The following AXIN1 variants were observed in gnomAD, a reference collection of about 807,000 sequenced individuals.
AXIN1 encodes the protein axin-1.
A neutral mutation model predicts 76.4 loss-of-function variants in AXIN1; 30 were observed. The ratio of observed to expected loss-of-function variants is 0.39; its 90% CI spans 0.29 to 0.53. The LOEUF (loss-of-function observed/expected upper bound fraction) is 0.53, where lower values mean the gene tolerates loss of function less well. Ranked by LOEUF, AXIN1 falls within the 20% of genes least tolerant of loss-of-function variation. The probability of loss-of-function intolerance (pLI) is 0.66; values close to 1 mark genes in which losing one functional copy is unlikely to be tolerated. For synonymous variants in AXIN1, 545 were observed against 501.4 expected (o/e 1.09, Z -1.16); for missense variants, 1,140 against 1,198.8 (o/e 0.95, Z 0.72).
chr16:320,762 C>T (rs1468131503), intron 2 of AXIN1, among the ~76,000 whole-genome samples: 22 of 53,064 alleles, frequency 4.1e-4, no homozygotes, highest in African/African-American at 2.5e-3. Flanking sequence ...TTTTTTGAGA[C>T]GGAGCCTCGC....
intron 2 of AXIN1, among the ~76,000 whole-genome samples, chr16:320,446 G>A (rs1004241039): frequency 2.6e-5 from 4 of 151,968 alleles, no homozygotes; most frequent in Non-Finnish European, 2.9e-5. Flanking sequence ...ACATAGGGGC[G>A]GATAAAATCT....
At chr16:306,191 G>C (rs577649775) in intron 4 of AXIN1, among the ~76,000 whole-genome samples, 9 of 152,026 alleles carry the variant, frequency 5.9e-5, no homozygotes, top group Admixed American at 5.2e-4. Flanking sequence ...ACACACACAG[G>C]CACGCTCACT....
At chr16:302,601 G>T (rs1222286421) in intron 5 of AXIN1, among the ~76,000 whole-genome samples, 2 of 152,126 alleles carry the variant, frequency 1.3e-5, no homozygotes, top group Non-Finnish European at 2.9e-5. Context: ...ACCACCAGCG[G>T]CACCCTGCGT....
intron 2 of AXIN1, among the ~76,000 whole-genome samples, chr16:339,228 G>A (rs2053865784): frequency 2.0e-5 from 3 of 148,992 alleles, no homozygotes; most frequent in Non-Finnish European, 4.5e-5. Flanking sequence ...AAAAGGCCGG[G>A]CGTGGTGGCT....
At chr16:289,904 A>G in intron 9 of AXIN1, 2 of 525,726 alleles carry the variant, frequency 3.8e-6, no homozygotes, top group African/African-American at 1.9e-5. Flanking sequence ...CACCTCTAGG[A>G]TGGCAGGGCA....
chr16:314,551 G>A lies in AXIN1; in HGVS notation c.1011C>T (p.Asp337=), dbSNP rs1007155687. The stretch of plus-strand genomic sequence containing the variant: ...TCCGGGGCGGGACTTACACGCTGCT[G>A]TCCGTGAGGGACAGGGTGTCTGCAT... The part of the protein sequence containing the change: ...SSDADTLSLT[D]SSVDGIPPYR... Residue 337 remains aspartate (D), a synonymous_variant, in exon 3 of 11, where the codon GAC becomes GAT. Transcript: ENST00000262320. The A allele has an allele frequency of 7.4e-6, 12 of 1,613,658 alleles. No individual in the cohort carries two copies. The highest frequency in any genetic ancestry group is 1.3e-5 in the African/African-American group (1 of 74,938).
intron 2 of AXIN1, among the ~76,000 whole-genome samples, chr16:344,757 G>A (rs962078316): frequency 6.6e-6 from 1 of 152,144 alleles, no homozygotes; most frequent in Non-Finnish European, 1.5e-5. Flanking sequence ...CCAAAGTGCT[G>A]GGATTACAGG....
chr16:321,016 G>A (rs2053443661), intron 2 of AXIN1, among the ~76,000 whole-genome samples: 1 of 152,160 alleles, frequency 6.6e-6, no homozygotes, highest in Non-Finnish European at 1.5e-5. Flanking sequence ...GGGATTACAG[G>A]CTTAAGCCAC....
intron 4 of AXIN1, among the ~76,000 whole-genome samples, chr16:309,142 A>G (rs2053105635): frequency 6.6e-6 from 1 of 152,084 alleles, no homozygotes; most frequent in Admixed American, 6.6e-5. Context: ...CATCCTGGCT[A>G]ATACGGTGAA....
Position 346,254 on chromosome 16 carries a change from C to T in AXIN1, c.772G>A (p.Gly258Ser), listed in dbSNP as rs2141701089. 1 of 1,614,196 alleles carries T rather than the reference C, an allele frequency of 6.2e-7. No individual in the cohort carries two copies. The highest frequency in any genetic ancestry group is 8.5e-7 in the Non-Finnish European group (1 of 1,180,042). The change falls in exon 2 of 11, where the codon GGC (glycine) becomes AGC (serine). Residue 258 changes from glycine to serine, a missense_variant. By Grantham distance (56) the Gly-to-Ser change is moderately conservative (BLOSUM62 0). Transcript: ENST00000262320. ...CTTCCGGGGGGAGCAGCGTCTCTGC[C>T]ATCGTCCTCATCCATGTCCTGGTCA... The part of the protein sequence containing the change: ...KCDQDMDEDD[G>S]RDAAPPGRLP...
intron 2 of AXIN1, among the ~76,000 whole-genome samples, chr16:319,877 T>C (rs1286699625): frequency 6.6e-6 from 1 of 152,248 alleles, no homozygotes; most frequent in African/African-American, 2.4e-5. Context: ...TGGAGGGAGC[T>C]GGGCCACCGT....
chr16:332,864 T>C (rs1281360509), intron 2 of AXIN1, among the ~76,000 whole-genome samples: 1 of 152,068 alleles, frequency 6.6e-6, no homozygotes, highest in African/African-American at 2.4e-5. Flanking sequence ...ATGGTAAAGA[T>C]GGAGAGAAGG....
intron 2 of AXIN1, among the ~76,000 whole-genome samples, chr16:331,310 T>C (rs2053686333): frequency 6.6e-6 from 1 of 152,098 alleles, no homozygotes; most frequent in Non-Finnish European, 1.5e-5. Context: ...AAACTGCAAG[T>C]TCCAAGCTGG....
chr16:288,013 A>ACCCAACACTGTTCCC lies in AXIN1; in HGVS notation c.*94_*108dup. ...GGTAGACCACAGGGATGGGTGGTAC[A>ACCCAACACTGTTCCC]CCCAACACTGTTCCCCATCGGGCTC... is the stretch of plus-strand genomic sequence containing the variant. On this transcript the variant is annotated 3_prime_UTR_variant, in exon 11 of 11. Transcript: ENST00000262320. 1 of 1,570,698 alleles carries ACCCAACACTGTTCCC rather than the reference A, an allele frequency of 6.4e-7. No homozygotes were observed. Among genetic ancestry groups the ACCCAACACTGTTCCC allele is most frequent in the Non-Finnish European group, 8.7e-7 (1 of 1,152,304 alleles).
chr16:343,107 C>T (rs193094788), intron 2 of AXIN1, among the ~76,000 whole-genome samples: 18 of 152,310 alleles, frequency 1.2e-4, no homozygotes, highest in Admixed American at 8.5e-4. Flanking sequence ...ACCGCAGACA[C>T]GACTCCCAAG....
intron 2 of AXIN1, among the ~76,000 whole-genome samples, chr16:319,230 T>C (rs557555777): frequency 6.6e-6 from 1 of 151,850 alleles, no homozygotes; most frequent in Non-Finnish European, 1.5e-5. Context: ...CCCAGCGACT[T>C]GGGAGGGTAA....
At chr16:320,721 G>A (rs969013744) in intron 2 of AXIN1, among the ~76,000 whole-genome samples, 6 of 120,172 alleles carry the variant, frequency 5.0e-5, no homozygotes, top group Non-Finnish European at 8.4e-5. Flanking sequence ...ATGCGTGTGT[G>A]TGTATATATA....
rs1567281511 is a variant in AXIN1, at chr16:314,566, G to A, written c.996C>T (p.Thr332=). 1 of 1,613,886 alleles carries A rather than the reference G, an allele frequency of 6.2e-7. No homozygotes were observed. Among genetic ancestry groups the A allele is most frequent in the Non-Finnish European group, 8.5e-7 (1 of 1,179,918 alleles). The part of the protein sequence containing the change: ...EQQSLSSDAD[T]LSLTDSSVDG... Reference sequence around the variant, plus strand: ...ACACGCTGCTGTCCGTGAGGGACAGGGTGTCTGCATCGCTGGACAGGCTCT... The same window carrying A: ...ACACGCTGCTGTCCGTGAGGGACAGAGTGTCTGCATCGCTGGACAGGCTCT... Residue 332 remains threonine, a synonymous_variant, in exon 3 of 11, where the codon ACC becomes ACT. Transcript: ENST00000262320.
chr16:327,493 G>A (rs552809365), intron 2 of AXIN1, among the ~76,000 whole-genome samples: 21 of 152,340 alleles, frequency 1.4e-4, no homozygotes, highest in East Asian at 1.2e-3. Context: ...TTATAACACC[G>A]CTGGTGCCCC....
Sources: allele counts gnomAD v4.1 joint callset (sites outside exome capture counted in the v4.1 genomes callset), GRCh38; gene constraint gnomAD v4.1.1; transcripts MANE v1.5; gene names NCBI Gene and HGNC (gene_info 2026-07-23, HGNC 2026-07-21).